MGMT: variants seen among roughly 807,000 people sequenced by gnomAD.
The protein encoded by MGMT is methylated-DNA--protein-cysteine methyltransferase.
A neutral mutation model predicts 15.9 loss-of-function variants in MGMT; 14 were observed. The observed-to-expected ratio is 0.88, with a 90% CI of 0.58 to 1.37. The LOEUF is 1.37. Among genes scored for constraint, MGMT ranks in the 40% most tolerant of loss-of-function variants. The pLI, the probability that MGMT is intolerant of heterozygous loss-of-function variation, is 0.00. For missense variants in MGMT, 282 were observed against 268.1 expected, an observed-to-expected ratio of 1.05 and a Z score of -0.36; for synonymous variants, 130 against 118.2, an observed-to-expected ratio of 1.10 and a Z score of -0.65.
chr10:129,509,271 C>T (rs1247989924), intron 1 of MGMT, among the ~76,000 whole-genome samples: 1 of 152,124 alleles, frequency 6.6e-6, no homozygotes, highest in South Asian at 2.1e-4. Flanking sequence ...ATTTTTATTG[C>T]GTTCGCATAG....
chr10:129,512,259 CTTG>C lies in MGMT; in HGVS notation c.-12-23979_-12-23977del, dbSNP rs1845692278. Among the ~76,000 whole-genome samples the C allele has an allele frequency of 2.6e-5, 4 of 152,284 alleles. No homozygotes were observed. In the South Asian group the frequency reaches 8.3e-4, roughly 32 times the overall value. On this transcript the variant is annotated intron_variant, in intron 1 of 4. Coordinates refer to ENST00000651593, the MANE Select transcript of MGMT (RefSeq NM_002412.5). ...GGACTGCCTGTAGTACTGCTTGCTT[CTTG>C]TTTTCTTTATATCAACTTATTTTTA...
At chr10:129,516,539 C>T (rs939851273) in intron 1 of MGMT, among the ~76,000 whole-genome samples, 6 of 152,210 alleles carry the variant, frequency 3.9e-5, no homozygotes, top group South Asian at 2.1e-4. Context: ...AGGTGAGCTG[C>T]TATAGAAGCA....
At chr10:129,705,279 T>G (rs1383080494) in intron 2 of MGMT, among the ~76,000 whole-genome samples, 1 of 152,210 alleles carries the variant, frequency 6.6e-6, no homozygotes, top group Non-Finnish European at 1.5e-5. Flanking sequence ...CTTGTTAAAA[T>G]GTGAGTATCC....
intron 3 of MGMT, among the ~76,000 whole-genome samples, chr10:129,710,868 T>C (rs2053139): frequency 0.35 from 52,551 of 152,126 alleles, 9,275 homozygotes; most frequent in East Asian, 0.54. Context: ...CCAATTCCTT[T>C]TTCTGCACAT....
At chr10:129,641,338 T>G (rs1327807271) in intron 2 of MGMT, among the ~76,000 whole-genome samples, 1 of 152,226 alleles carries the variant, frequency 6.6e-6, no homozygotes, top group Non-Finnish European at 1.5e-5. Context: ...TACTGTGTTC[T>G]TAGATTGGAA....
At chr10:129,547,204 C>G (rs1026534394) in intron 2 of MGMT, among the ~76,000 whole-genome samples, 1 of 152,174 alleles carries the variant, frequency 6.6e-6, no homozygotes, top group Non-Finnish European at 1.5e-5. Context: ...TAGCTTTGTT[C>G]CATAACGTCC....
Position 129,566,398 on chromosome 10 carries a change from T to C in MGMT, c.125+30021T>C, listed in dbSNP as rs1367716302. 2.6e-5 allele frequency among the ~76,000 whole-genome samples: 4 copies of C among 152,188 alleles called. No individual in the cohort carries two copies. The East Asian group carries it at 7.7e-4, about 29-fold the overall frequency. ...CCAAACCAAGCTGCCTTCTCTGATGTGGCCTTAGTGCTCTGGGCGGATGTA... is the reference window on the plus strand; with the variant it reads ...CCAAACCAAGCTGCCTTCTCTGATGCGGCCTTAGTGCTCTGGGCGGATGTA... On this transcript the variant is annotated intron_variant, in intron 2 of 4. Coordinates refer to ENST00000651593, the MANE Select transcript of MGMT (RefSeq NM_002412.5). The surrounding 1 kb of genome is among the most constrained non-coding windows in gnomAD (Gnocchi z 4.1).
intron 2 of MGMT, among the ~76,000 whole-genome samples, chr10:129,543,205 T>G (rs1846063255): frequency 6.6e-6 from 1 of 152,158 alleles, no homozygotes; most frequent in Admixed American, 6.5e-5. Context: ...TGGCAGCTCT[T>G]GGACCTTAGT....
At chr10:129,672,073 G>A (rs995481604) in intron 2 of MGMT, among the ~76,000 whole-genome samples, 9 of 152,208 alleles carry the variant, frequency 5.9e-5, no homozygotes, top group African/African-American at 2.2e-4. Context: ...ACATTTATCA[G>A]TACACCATTG....
intron 2 of MGMT, among the ~76,000 whole-genome samples, chr10:129,555,964 ACCT>A (rs1356025430): frequency 1.3e-5 from 2 of 152,048 alleles, no homozygotes; most frequent in Admixed American, 1.3e-4. Flanking sequence ...CGCTGGCTGG[ACCT>A]CCTCAAAACG....
intron 1 of MGMT, among the ~76,000 whole-genome samples, chr10:129,499,715 TCATG>T (rs1254159221): frequency 6.6e-6 from 1 of 152,238 alleles, no homozygotes; most frequent in East Asian, 1.9e-4. Context: ...GATACAGTAT[TCATG>T]CTATAGAACA....
chr10:129,562,059 C>T (rs1017501138), intron 2 of MGMT, among the ~76,000 whole-genome samples: 18 of 152,140 alleles, frequency 1.2e-4, no homozygotes, highest in African/African-American at 3.1e-4. Flanking sequence ...GTGTGAACAG[C>T]GCCAGGCTGT....
intron 2 of MGMT, among the ~76,000 whole-genome samples, chr10:129,639,453 A>G (rs1847302374): frequency 6.6e-6 from 1 of 152,236 alleles, no homozygotes; most frequent in African/African-American, 2.4e-5. Flanking sequence ...ACTGATCAAC[A>G]GATCCTAAAA....
intron 1 of MGMT, among the ~76,000 whole-genome samples, chr10:129,485,226 C>T (rs1762426): frequency 0.99 from 151,240 of 152,282 alleles, 75,111 homozygotes; most frequent in Middle Eastern, 1. Flanking sequence ...AGATGCCTGG[C>T]GTGTTCTCTG....
chr10:129,638,476 T>C (rs1156858165), intron 2 of MGMT, among the ~76,000 whole-genome samples: 1 of 128,276 alleles, frequency 7.8e-6, no homozygotes, highest in East Asian at 2.1e-4. Flanking sequence ...CTGACGTCTA[T>C]CTAGAAGAGC....
At position 129,475,324 on chromosome 10, in the gene MGMT, G is replaced by A. The variant is rs1205491752; in HGVS notation, c.-13+8028G>A. Among the ~76,000 whole-genome samples, 10 of 152,092 alleles carry A rather than the reference G, an allele frequency of 6.6e-5. No homozygotes were observed. In the South Asian group the frequency reaches 1.2e-3, roughly 19 times the overall value. ...CATCTAGTTAAAGTCATGCCAGCAG[G>A]GCAGGGCTGTGTGTGTCTGGGTGAT... On this transcript the variant is annotated intron_variant, in intron 1 of 4. Coordinates refer to ENST00000651593, the MANE Select transcript of MGMT (RefSeq NM_002412.5).
At chr10:129,602,406 G>C (rs1447173514) in intron 2 of MGMT, among the ~76,000 whole-genome samples, 1 of 152,164 alleles carries the variant, frequency 6.6e-6, no homozygotes, top group Admixed American at 6.5e-5. Context: ...GGTTTAGAAA[G>C]ACTCAGAGAT....
rs545197560 is a variant in MGMT, at chr10:129,543,964, C to T, written c.125+7587C>T. 2.6e-5 allele frequency among the ~76,000 whole-genome samples: 4 copies of T among 152,296 alleles called. No homozygotes were observed. In the East Asian group the frequency reaches 7.7e-4, roughly 29 times the overall value. ...GGAGTAAAAGAGCACTTTAGAGTAA[C>T]AGGTAAATGGGTTAACTTCAGGCAG... On this transcript the variant is annotated intron_variant, in intron 2 of 4. Coordinates refer to ENST00000651593, the MANE Select transcript of MGMT (RefSeq NM_002412.5).
intron 2 of MGMT, among the ~76,000 whole-genome samples, chr10:129,610,260 G>C (rs1181824197): frequency 6.6e-6 from 1 of 152,184 alleles, no homozygotes; most frequent in Non-Finnish European, 1.5e-5. Context: ...CGGTATCACT[G>C]TCATTGTATT....
Sources: allele counts gnomAD v4.1 joint callset (sites outside exome capture counted in the v4.1 genomes callset), GRCh38; gene constraint gnomAD v4.1.1; non-coding constraint Gnocchi (gnomAD v3.1); transcripts MANE v1.5; gene names NCBI Gene and HGNC (gene_info 2026-07-23, HGNC 2026-07-21).